The following GNL3 variants were observed in gnomAD, a reference collection of about 807,000 sequenced individuals.
The protein encoded by GNL3 is guanine nucleotide-binding protein-like 3.
GNL3 carries 77 observed loss-of-function variants against 70.6 expected under a neutral mutation model. That is an observed-to-expected ratio of 1.09 (90% CI 0.91 to 1.32). GNL3 has a LOEUF of 1.32. Among genes scored for constraint, GNL3 ranks in the 40% most tolerant of loss-of-function variants. The pLI, the probability that GNL3 is intolerant of heterozygous loss-of-function variation, is 0.00. For synonymous variants in GNL3, 252 were observed against 216.1 expected, an observed-to-expected ratio of 1.17 and a Z score of -1.46; for missense variants, 634 against 644.0, an observed-to-expected ratio of 0.98 and a Z score of 0.17.
At chr3:52,692,773 CTG>C (rs769383316) in intron 9 of GNL3, 97 bp from the exon 10 acceptor site, 10 of 863,326 alleles carry the variant, frequency 1.2e-5, no homozygotes, top group Admixed American at 1.7e-5. Flanking sequence ...ATCTGACTGA[CTG>C]TGCTGAGTCT....
At chr3:52,689,393 CTACTA>C (rs1161266888) in intron 6 of GNL3, 187 bp downstream of exon 6, 10 of 711,412 alleles carry the variant, frequency 1.4e-5, no homozygotes, top group Non-Finnish European at 2.6e-5. Context: ...CAACTGGTTT[CTACTA>C]TTCTTTTGCC....
At chr3:52,692,360 A>C (rs950826889) in intron 9 of GNL3, among the ~76,000 whole-genome samples, 6 of 75,864 alleles carry the variant, frequency 7.9e-5, no homozygotes, top group African/African-American at 3.4e-4. Context: ...GTGCCTGGCC[A>C]ACTTTTAGAT....
chr3:52,691,701 G>A, intron 9 of GNL3, 72 bp downstream of exon 9: 2 of 672,236 alleles, frequency 3.0e-6, no homozygotes, highest in South Asian at 3.3e-5. Flanking sequence ...CAAGGAAGGT[G>A]ATTTTTTTTT....
At chr3:52,687,956 C>CACA (rs1386228385) in intron 4 of GNL3, 153 bp from the exon 5 acceptor site, 3 of 649,640 alleles carry the variant, frequency 4.6e-6, no homozygotes, top group Non-Finnish European at 8.4e-6. Flanking sequence ...CATCCACAGG[C>CACA]TGCTGAGCTT....
In GNL3 at chr3:52,693,556, G is replaced by A. The variant is rs762908976; in HGVS notation, c.1324+12G>A. ...ACAGAGCATAAGAGGTGAGAATTGT[G>A]TGTCGCTGCTGTCTTCATCAGCTGA... On this transcript the variant is annotated intron_variant, in intron 12 of 14. Transcript: ENST00000418458. The A allele has an allele frequency of 1.2e-6, 2 of 1,614,164 alleles. No individual in the cohort carries two copies. The highest frequency in any genetic ancestry group is 2.2e-5 in the East Asian group (1 of 44,876).
chr3:52,693,678 C>A lies in GNL3; in HGVS notation c.1371C>A (p.Ser457=). 1 of 1,613,982 alleles carries A rather than the reference C, an allele frequency of 6.2e-7. No homozygotes were observed. Among genetic ancestry groups the A allele is most frequent in the South Asian group, 1.1e-5 (1 of 91,076 alleles). The change falls in exon 13 of 15, where the codon TCC becomes TCA. Residue 457 remains serine (S), a synonymous_variant. Coordinates refer to ENST00000418458, the MANE Select transcript of GNL3 (RefSeq NM_014366.5). The part of the protein sequence containing the change: ...HLANSILFQS[S]GLTNGIIEEK... The stretch of plus-strand genomic sequence containing the variant: ...CCAATAGCATCCTTTTCCAGTCTTC[C>A]GGTCTGACAAATGGAATAATAGAAG...
chr3:52,687,141 A>AT (rs1444748669), intron 2 of GNL3, 105 bp from the exon 3 acceptor site: 5 of 929,882 alleles, frequency 5.4e-6, no homozygotes, highest in Non-Finnish European at 8.3e-6. Context: ...TTCCTAGGAC[A>AT]TTTTATAGGC....
In GNL3 at chr3:52,686,808, G is replaced by T; in HGVS notation, c.53G>T (p.Arg18Leu). ...AGTAAACGCATGACCTGCCATAAGC[G>T]GTATAAAATCCAAAAAAAGGTAAGT... ...KASKRMTCHK[R>L]YKIQKKVREH... The change falls in exon 2 of 15, where the codon CGG becomes CTG. Residue 18 changes from arginine to leucine, a missense_variant. Physicochemically the swap from Arg to Leu is moderately radical, Grantham distance 102. Coordinates refer to ENST00000418458, the MANE Select transcript of GNL3 (RefSeq NM_014366.5). 1 of 1,612,234 alleles carries T rather than the reference G, an allele frequency of 6.2e-7. No individual in the cohort carries two copies. The highest frequency in any genetic ancestry group is 1.1e-5 in the South Asian group (1 of 91,006).
At position 52,686,103 on chromosome 3, in the gene GNL3, C is replaced by T. The variant is rs368025635; in HGVS notation, c.11C>T (p.Pro4Leu). MKR[P>L]KLKKASKRMT... ...CCTTCTACAGCCAATATGAAAAGGCCTAGTAAGTGGGGTCGGGAGGCGGGC... is the reference window on the plus strand; with the variant it reads ...CCTTCTACAGCCAATATGAAAAGGCTTAGTAAGTGGGGTCGGGAGGCGGGC... The change falls in exon 1 of 15, where the codon CCT becomes CTT. Residue 4 changes from proline (P) to leucine (L), a missense_variant and splice_region_variant. By Grantham distance (98) the Pro-to-Leu change is moderately conservative. Transcript: ENST00000418458. 26 of 1,530,244 alleles carry T rather than the reference C, an allele frequency of 1.7e-5. No homozygotes were observed. In the African/African-American group the frequency reaches 3.1e-4, roughly 18 times the overall value. 94.8% of individuals were successfully genotyped at this position (1,530,244 alleles called of 1,614,324 possible).
rs957414897 is a variant in GNL3 at position 52,691,646 on chromosome 3, A to C, written c.869+17A>C. On this transcript the variant is annotated intron_variant, in intron 9 of 14. Coordinates refer to ENST00000418458, the MANE Select transcript of GNL3 (RefSeq NM_014366.5). The stretch of plus-strand genomic sequence containing the variant: ...GCTTACAAGGTAAATGGAGGTGTCC[A>C]TAATTGTAATATTATAGTGACACAC... 1.6e-6 allele frequency: 2 copies of C among 1,250,412 alleles called. No individual in the cohort carries two copies. Among genetic ancestry groups the C allele is most frequent in the Non-Finnish European group, 2.4e-6 (2 of 848,228 alleles). 77.5% of individuals were successfully genotyped at this position (1,250,412 alleles called of 1,614,324 possible).
At chr3:52,686,879 T>C in intron 2 of GNL3, 52 bp downstream of exon 2, 1 of 1,364,734 alleles carries the variant, frequency 7.3e-7, no homozygotes, top group Non-Finnish European at 1.0e-6. Flanking sequence ...AAACTGATTT[T>C]GCCCTGTTCC....
At chr3:52,694,144 T>C (rs2097330352) in intron 14 of GNL3, 41 bp downstream of exon 14, 1 of 1,591,166 alleles carries the variant, frequency 6.3e-7, no homozygotes, top group Non-Finnish European at 8.6e-7. Context: ...CAGCATGGTA[T>C]AGAATCACTT....
rs1394324105 is a variant in GNL3, at chr3:52,691,027, GT to G, written c.741del (p.Gln248ArgfsTer12). 3 of 1,613,792 alleles carry G rather than the reference GT, an allele frequency of 1.9e-6. No homozygotes were observed. The African/African-American group carries it at 4.0e-5, about 22-fold the overall frequency. On this transcript the variant is annotated frameshift_variant, in exon 8 of 15. Coordinates refer to ENST00000418458, the MANE Select transcript of GNL3 (RefSeq NM_014366.5). LOFTEE classifies it high-confidence loss of function. ...GKEGLWKLLGGFQETCSKAIR... is the reference protein window; with the variant it reads ...GKEGLWKLLGXFQETCSKAIR... ...GAGGGCCTTTGGAAACTTCTTGGAGGTTTTCAGGAAACTTGCAGCAAAGCCA... is the reference window on the plus strand; with the variant it reads ...GAGGGCCTTTGGAAACTTCTTGGAGGTTTCAGGAAACTTGCAGCAAAGCCA...
intron 1 of GNL3, 63 bp from the exon 2 acceptor site, chr3:52,686,706 C>A (rs1578561319): frequency 8.2e-7 from 1 of 1,223,028 alleles, no homozygotes; most frequent in South Asian, 1.2e-5. Flanking sequence ...GATATAACTC[C>A]ATAGTGCGTT....
intron 4 of GNL3, chr3:52,687,842 G>T (rs2097323624): frequency 5.1e-6 from 3 of 592,172 alleles, no homozygotes; most frequent in Admixed American, 3.0e-5. Context: ...GCCAAGGCTG[G>T]TCTCAAGTGA....
chr3:52,690,624 C>G lies in GNL3; in HGVS notation c.574C>G (p.Leu192Val). 1.2e-6 allele frequency: 2 copies of G among 1,609,952 alleles called. No individual in the cohort carries two copies. The highest frequency in any genetic ancestry group is 3.3e-5 in the Admixed American group (2 of 60,004). Residue 192 changes from leucine (L) to valine (V), a missense_variant, in exon 7 of 15, where the codon CTA (leucine) becomes GTA (valine). By Grantham distance (32) the Leu-to-Val change is conservative. Transcript: ENST00000418458. ...LVPKENLESW[L>V]NYLKKELPTV... The stretch of plus-strand genomic sequence containing the variant: ...ACCAAAGGAGAATTTGGAGAGCTGG[C>G]TAAATTATTTGAAGAAAGAATTGCC...
chr3:52,692,665 T>G, intron 9 of GNL3: 1 of 718,482 alleles, frequency 1.4e-6, no homozygotes, highest in Non-Finnish European at 2.6e-6. Flanking sequence ...TTTTGGTTGA[T>G]GTAAATATAT....
At chr3:52,687,664 GT>G in intron 4 of GNL3, 49 bp downstream of exon 4, 10 of 1,241,558 alleles carry the variant, frequency 8.1e-6, no homozygotes, top group African/African-American at 1.5e-5. Context: ...TTTGATTTTG[GT>G]TTTTTTGCTT....
rs963782404 is a variant in GNL3 at position 52,693,673 on chromosome 3, T to G, written c.1366T>G (p.Ser456Ala). 3.7e-6 allele frequency: 6 copies of G among 1,613,976 alleles called. No homozygotes were observed. Among genetic ancestry groups the G allele is most frequent in the Non-Finnish European group, 5.1e-6 (6 of 1,180,014 alleles). Residue 456 changes from serine to alanine, a missense_variant, in exon 13 of 15, where the codon TCT (serine) becomes GCT (alanine). Ser to Ala is a moderately conservative substitution (Grantham distance 99). Coordinates refer to ENST00000418458, the MANE Select transcript of GNL3 (RefSeq NM_014366.5). ...TTTGGCCAATAGCATCCTTTTCCAGTCTTCCGGTCTGACAAATGGAATAAT... is the reference window on the plus strand; with the variant it reads ...TTTGGCCAATAGCATCCTTTTCCAGGCTTCCGGTCTGACAAATGGAATAAT... ...PHLANSILFQ[S>A]SGLTNGIIEE...
Sources: gnomAD v4.1 joint callset for allele counts (sites outside exome capture counted in the v4.1 genomes callset) on GRCh38, gnomAD v4.1.1 for gene constraint, MANE v1.5 for transcripts, NCBI Gene and HGNC (gene_info 2026-07-23, HGNC 2026-07-21) for gene names.